Variants in PUDP observed in about 807,000 individuals in gnomAD.
The protein encoded by PUDP is pseudouridine 5'-phosphatase, also known as pseudouridine-5'-phosphatase.
In PUDP, 8 loss-of-function variants were observed where a neutral mutation model predicts 9.4. The observed-to-expected ratio is 0.85, with a 90% confidence interval of 0.50 to 1.53. PUDP has a LOEUF of 1.53. Among genes scored for constraint, PUDP ranks in the 40% most tolerant of loss-of-function variants. The pLI is 0.00. For missense variants in PUDP, 188 were observed against 189.7 expected (o/e 0.99, Z 0.05); for synonymous variants, 99 against 80.7 (o/e 1.23, Z -1.22).
rs754239927 is a variant in PUDP at position 7,063,991 on chromosome X, T to C, written c.510+13229A>G. The stretch of plus-strand genomic sequence containing the variant: ...ATTCATAAGCCTATGAACTATTGCA[T>C]AGTCCACTTGTAAATGACAACTACA... On this transcript the variant is annotated intron_variant, in intron 3 of 3. Coordinates refer to ENST00000381077, the MANE Select transcript of PUDP (RefSeq NM_012080.5). 3.6e-5 allele frequency among the ~76,000 whole-genome samples: 4 copies of C among 112,273 alleles called. No homozygotes were observed. The East Asian group carries it at 8.4e-4, about 24-fold the overall frequency.
intron 3 of PUDP, among the ~76,000 whole-genome samples, chrX:6,881,112 A>G (rs1022422008): frequency 2.7e-5 from 3 of 112,543 alleles, no homozygotes; most frequent in African/African-American, 6.4e-5. Flanking sequence ...TAGAATCCAC[A>G]CACTATACAG....
intron 3 of PUDP, among the ~76,000 whole-genome samples, chrX:6,862,189 G>A (rs1455697556): frequency 9.0e-6 from 1 of 111,249 alleles, no homozygotes; most frequent in African/African-American, 3.3e-5. Context: ...CCTTTTTAAG[G>A]GCCCTCCTTA....
At chrX:6,755,602 C>G (rs190399476) in intron 3 of PUDP, among the ~76,000 whole-genome samples, 1 of 111,403 alleles carries the variant, frequency 9.0e-6, no homozygotes, top group Admixed American at 9.5e-5. Context: ...TTATTCTCAT[C>G]CAGTTGGATG....
intron 3 of PUDP, among the ~76,000 whole-genome samples, chrX:6,962,375 T>C (rs1284561511): frequency 8.9e-6 from 1 of 112,314 alleles, no homozygotes; most frequent in Non-Finnish European, 1.9e-5. Flanking sequence ...AAGCTCACAA[T>C]TGTAGGTATT....
chrX:7,003,345 G>A (rs751115210), intron 1 of PUDP, among the ~76,000 whole-genome samples: 5 of 111,148 alleles, frequency 4.5e-5, no homozygotes, highest in East Asian at 2.8e-4. Context: ...TTCAGGAGGC[G>A]GCACACCGGG....
rs180725010 is a variant in PUDP at position 6,837,443 on chromosome X, G to A, written c.*248-130977C>T. Among the ~76,000 whole-genome samples the A allele has an allele frequency of 6.2e-5, 7 of 112,847 alleles. No homozygotes were observed. In the East Asian group the frequency reaches 1.7e-3, roughly 27 times the overall value. ...CTCCTGATGTCAGGTGACTTTTGTC[G>A]CACTTGGGAAATCTCAGAGAATGGC... On this transcript the variant is annotated intron_variant and NMD_transcript_variant, in intron 3 of 3. Transcript: ENST00000655425.
At chrX:6,776,056 G>T (rs1409958770) in intron 3 of PUDP, among the ~76,000 whole-genome samples, 1 of 111,943 alleles carries the variant, frequency 8.9e-6, no homozygotes, top group Non-Finnish European at 1.9e-5. Context: ...ATTCTCACTG[G>T]AGAACGTCAC....
chrX:7,082,207 G>C (rs1931115457), intron 2 of PUDP, among the ~76,000 whole-genome samples: 1 of 112,053 alleles, frequency 8.9e-6, no homozygotes, highest in Non-Finnish European at 1.9e-5. Context: ...GAAGAACTGG[G>C]GAATGTGGAG....
chrX:7,081,197 T>C (rs1402052319), intron 2 of PUDP, among the ~76,000 whole-genome samples: 2 of 111,885 alleles, frequency 1.8e-5, no homozygotes, highest in Admixed American at 1.9e-4. Flanking sequence ...TCTTGCTCTG[T>C]GACCCAGGCT....
At chrX:6,919,773 C>T (rs1488915030) in intron 3 of PUDP, among the ~76,000 whole-genome samples, 4 of 97,249 alleles carry the variant, frequency 4.1e-5, no homozygotes, top group African/African-American at 1.2e-4. Context: ...GCAGGAGAAT[C>T]GCTTGAACCC....
intron 3 of PUDP, among the ~76,000 whole-genome samples, chrX:6,763,897 ATGT>A (rs1384924927): frequency 1.8e-5 from 2 of 112,210 alleles, no homozygotes; most frequent in African/African-American, 6.5e-5. Context: ...TGGCACCATA[ATGT>A]TTTCCTACAC....
intron 2 of PUDP, among the ~76,000 whole-genome samples, chrX:7,093,428 G>GAA (rs1193224639): frequency 1.2e-4 from 13 of 112,155 alleles, no homozygotes; most frequent in African/African-American, 4.2e-4. Flanking sequence ...TTTCTCATTG[G>GAA]TTGCTTTGTG....
chrX:6,939,783 G>A (rs1048147600), intron 3 of PUDP, among the ~76,000 whole-genome samples: 9 of 107,133 alleles, frequency 8.4e-5, no homozygotes, highest in Non-Finnish European at 1.2e-4. Context: ...TCATATGATC[G>A]CTCAAGCCCA....
intron 3 of PUDP, among the ~76,000 whole-genome samples, chrX:6,913,720 G>A (rs921525506): frequency 1.6e-4 from 18 of 111,357 alleles, no homozygotes; most frequent in South Asian, 7.5e-4. Context: ...TGTGCAGCAC[G>A]TCACTCTAAC....
intron 3 of PUDP, among the ~76,000 whole-genome samples, chrX:6,881,100 CAT>C (rs996267488): frequency 8.9e-5 from 10 of 112,412 alleles, no homozygotes; most frequent in African/African-American, 3.2e-4. Context: ...TCTCAGTAGT[CAT>C]AGAATCCACA....
chrX:6,987,633 T>C (rs1470297658), intron 1 of PUDP, among the ~76,000 whole-genome samples: 3 of 112,365 alleles, frequency 2.7e-5, no homozygotes, highest in African/African-American at 9.7e-5. Flanking sequence ...TGTGGCCCAC[T>C]GCTCATGTTT....
intron 3 of PUDP, among the ~76,000 whole-genome samples, chrX:6,807,536 C>T (rs375672933): frequency 1.8e-5 from 2 of 112,156 alleles, no homozygotes; most frequent in East Asian, 2.8e-4. Context: ...ATCCAGGTGT[C>T]GCAATGGAAG....
At chrX:7,137,920 C>T (rs757720733) in intron 1 of PUDP, among the ~76,000 whole-genome samples, 1 of 112,118 alleles carries the variant, frequency 8.9e-6, no homozygotes, top group Non-Finnish European at 1.9e-5. Flanking sequence ...CTAAAAAGTT[C>T]CATGTACCAC....
intron 2 of PUDP, among the ~76,000 whole-genome samples, chrX:7,100,387 G>A (rs747006015): frequency 1.8e-5 from 2 of 111,297 alleles, no homozygotes; most frequent in Admixed American, 1.9e-4. Flanking sequence ...TTCGGCTGTC[G>A]CTCTGAAAGC....
Sources: allele counts gnomAD v4.1 joint callset (sites outside exome capture counted in the v4.1 genomes callset), GRCh38; gene constraint gnomAD v4.1.1; transcripts MANE v1.5; gene names NCBI Gene and HGNC (gene_info 2026-07-23, HGNC 2026-07-21).